Variants in TBC1D32 observed in about 807,000 individuals in gnomAD.
TBC1D32 encodes the protein TBC1 domain family member 32.
A neutral mutation model predicts 170.3 loss-of-function variants in TBC1D32; 151 were observed. The ratio of observed to expected loss-of-function variants is 0.89; its 90% CI spans 0.78 to 1.01. TBC1D32 has a LOEUF of 1.01. Among genes scored for constraint, TBC1D32 ranks in the 50% least tolerant of loss-of-function variants. The probability of loss-of-function intolerance (pLI) is 0.00; values close to 1 mark genes in which losing one functional copy is unlikely to be tolerated. For missense variants in TBC1D32, 1,464 were observed against 1,457.1 expected, an observed-to-expected ratio of 1.00 and a Z score of -0.08; for synonymous variants, 498 against 488.0, an observed-to-expected ratio of 1.02 and a Z score of -0.27.
chr6:121,214,945 C>G (rs983052087), intron 21 of TBC1D32, among the ~76,000 whole-genome samples: 3 of 152,190 alleles, frequency 2.0e-5, no homozygotes, highest in African/African-American at 2.4e-5. Context: ...TAAAGACTTT[C>G]TGCAGGCACC....
chr6:121,171,486 T>C (rs1442197161), intron 22 of TBC1D32, among the ~76,000 whole-genome samples: 1 of 152,058 alleles, frequency 6.6e-6, no homozygotes, highest in Non-Finnish European at 1.5e-5. Flanking sequence ...GGCACAGTAA[T>C]GAAGGTTTTT....
chr6:121,102,369 T>C (rs948155467), intron 30 of TBC1D32, among the ~76,000 whole-genome samples: 1 of 152,126 alleles, frequency 6.6e-6, no homozygotes, highest in Non-Finnish European at 1.5e-5. Flanking sequence ...CAAAACAGCA[T>C]GGTACTGGTA....
At position 121,331,797 on chromosome 6, in the gene TBC1D32, A is replaced by C. The variant is rs77496932; in HGVS notation, c.155+2479T>G. ...ATTGTAAAATTCCATGGAGAGACCAAAGTTAAGCAGCTCCTCTTTTCCTTT... is the reference window on the plus strand; with the variant it reads ...ATTGTAAAATTCCATGGAGAGACCACAGTTAAGCAGCTCCTCTTTTCCTTT... On this transcript the variant is annotated intron_variant, in intron 1 of 31. Transcript: ENST00000398212. Among the ~76,000 whole-genome samples the C allele has an allele frequency of 3.9e-5, 6 of 152,278 alleles. No individual in the cohort carries two copies. In the East Asian group the frequency reaches 1.2e-3, roughly 29 times the overall value.
chr6:121,281,766 A>C, intron 13 of TBC1D32, 80 bp from the exon 14 acceptor site: 1 of 1,135,638 alleles, frequency 8.8e-7, no homozygotes, highest in Non-Finnish European at 1.2e-6. Context: ...TTGTTCCAAA[A>C]AGTTCAACAT....
chr6:121,135,109 T>A (rs1458074816), intron 24 of TBC1D32, among the ~76,000 whole-genome samples: 2 of 152,118 alleles, frequency 1.3e-5, no homozygotes, highest in Admixed American at 6.6e-5. Context: ...TTATGCAGAA[T>A]GAGTAAGGAA....
intron 12 of TBC1D32, among the ~76,000 whole-genome samples, chr6:121,289,596 C>G (rs1367975741): frequency 6.6e-6 from 1 of 152,094 alleles, no homozygotes; most frequent in Non-Finnish European, 1.5e-5. Context: ...TAGATTCAAT[C>G]CCATCCCCAT....
chr6:121,172,997 T>C (rs530104824), intron 22 of TBC1D32, among the ~76,000 whole-genome samples: 1 of 152,270 alleles, frequency 6.6e-6, no homozygotes, highest in South Asian at 2.1e-4. Context: ...TGGTTAATAT[T>C]GAGTGTTAAC....
chr6:121,219,318 A>G (rs1479400886), intron 21 of TBC1D32, among the ~76,000 whole-genome samples: 1 of 152,234 alleles, frequency 6.6e-6, no homozygotes, highest in Non-Finnish European at 1.5e-5. Flanking sequence ...GAAAGCAGTG[A>G]TCTTTCTACA....
Position 121,271,321 on chromosome 6 carries a change from T to C in TBC1D32, c.1733+7800A>G, listed in dbSNP as rs374880728. ...TCAATTAGGAAAAGAGGAAGTCAAA[T>C]TGTCCCTGTTTGCAGATGACATGAT... On this transcript the variant is annotated intron_variant, in intron 15 of 31. Coordinates refer to ENST00000398212, the MANE Select transcript of TBC1D32 (RefSeq NM_152730.6). Among the ~76,000 whole-genome samples, 16 of 152,284 alleles carry C rather than the reference T, an allele frequency of 1.1e-4. No homozygotes were observed. The South Asian group carries it at 1.7e-3, about 16-fold the overall frequency.
chr6:121,241,663 A>T (rs2128362457), intron 18 of TBC1D32, 111 bp from the exon 19 acceptor site: 3 of 910,692 alleles, frequency 3.3e-6, no homozygotes, highest in African/African-American at 1.7e-5. Flanking sequence ...AAAATATTTT[A>T]AAATCATACC....
chr6:121,265,618 A>G (rs869146495), intron 15 of TBC1D32, among the ~76,000 whole-genome samples: 1 of 152,054 alleles, frequency 6.6e-6, no homozygotes, highest in Non-Finnish European at 1.5e-5. Context: ...CATATAGCCA[A>G]GTCAATCCTA....
intron 26 of TBC1D32, among the ~76,000 whole-genome samples, chr6:121,121,923 A>G (rs780945186): frequency 2.6e-5 from 4 of 152,048 alleles, no homozygotes; most frequent in Non-Finnish European, 5.9e-5. Flanking sequence ...AGTAATTTGT[A>G]TTTGTAGCCC....
At chr6:121,252,116 C>G (rs1798375726) in intron 17 of TBC1D32, among the ~76,000 whole-genome samples, 1 of 152,150 alleles carries the variant, frequency 6.6e-6, no homozygotes, top group South Asian at 2.1e-4. Flanking sequence ...CGATTTTACA[C>G]TGTTGGCGGG....
intron 29 of TBC1D32, among the ~76,000 whole-genome samples, chr6:121,106,426 T>C (rs1778692707): frequency 6.6e-6 from 1 of 151,976 alleles, no homozygotes; most frequent in African/African-American, 2.4e-5. Context: ...ATTTATAATC[T>C]TGGCAACTTA....
chr6:121,217,780 C>T (rs892850645), intron 21 of TBC1D32, among the ~76,000 whole-genome samples: 1 of 152,020 alleles, frequency 6.6e-6, no homozygotes, highest in African/African-American at 2.4e-5. Context: ...TACACATGTA[C>T]CACTGAAGCT....
chr6:121,280,866 AG>A (rs1373697289), intron 14 of TBC1D32, among the ~76,000 whole-genome samples: 9 of 151,854 alleles, frequency 5.9e-5, no homozygotes, highest in African/African-American at 1.9e-4. Flanking sequence ...GATATGAAAA[AG>A]CAAAAGCTTT....
chr6:121,324,155 T>C (rs772392366), intron 1 of TBC1D32, among the ~76,000 whole-genome samples: 22 of 152,150 alleles, frequency 1.4e-4, no homozygotes, highest in Non-Finnish European at 2.9e-4. Flanking sequence ...GTCCCAAAGA[T>C]GTAAAAATAT....
chr6:121,170,864 C>T (rs1786882494), intron 22 of TBC1D32, among the ~76,000 whole-genome samples: 1 of 151,986 alleles, frequency 6.6e-6, no homozygotes, highest in South Asian at 2.1e-4. Context: ...CAAATTGCCA[C>T]AACTTTTTAT....
intron 3 of TBC1D32, among the ~76,000 whole-genome samples, chr6:121,312,590 C>T (rs1043823108): frequency 6.6e-6 from 1 of 152,136 alleles, no homozygotes; most frequent in Non-Finnish European, 1.5e-5. Flanking sequence ...AGTCACAATC[C>T]ATGGTCCTAA....
Sources: allele counts gnomAD v4.1 joint callset (sites outside exome capture counted in the v4.1 genomes callset), GRCh38; gene constraint gnomAD v4.1.1; transcripts MANE v1.5; gene names NCBI Gene and HGNC (gene_info 2026-07-23, HGNC 2026-07-21).